The following PEX39 variants were observed in gnomAD, a reference collection of about 807,000 sequenced individuals.
PEX39 encodes the protein peroxin-39.
the PEX39 span, chr6:42,890,416 T>A: frequency 7.7e-6 from 11 of 1,428,836 alleles, no homozygotes; most frequent in Non-Finnish European, 1.0e-5. Context: ...AAAAGATGAG[T>A]AACTGAATGG....
chr6:42,890,782 G>A, the PEX39 span: 46 of 1,572,412 alleles, frequency 2.9e-5, no homozygotes, highest in South Asian at 4.7e-4. Context: ...CTGCGGGGAC[G>A]CTCCATGTCG....
At chr6:42,890,796 C>A in the PEX39 span, 1 of 1,560,234 alleles carries the variant, frequency 6.4e-7, no homozygotes, top group South Asian at 1.2e-5. Context: ...CATGTCGGGT[C>A]GCGAATCCTG....
the PEX39 span, chr6:42,890,457 A>G: frequency 3.3e-6 from 5 of 1,497,308 alleles, no homozygotes; most frequent in South Asian, 1.4e-5. Context: ...CGCCCTCCAG[A>G]TCGCCGCCGC....
chr6:42,890,813 G>A, the PEX39 span: 19 of 1,548,042 alleles, frequency 1.2e-5, no homozygotes, highest in Middle Eastern at 1.3e-3. Flanking sequence ...CCTGACCGGC[G>A]TGTAATGCAG....
chr6:42,890,779 G>A, the PEX39 span: 377 of 1,587,896 alleles, frequency 2.4e-4, no homozygotes, highest in Non-Finnish European at 3.1e-4. Flanking sequence ...GGACTGCGGG[G>A]ACGCTCCATG....
the PEX39 span, chr6:42,890,306 G>A: frequency 4.1e-6 from 2 of 483,224 alleles, no homozygotes; most frequent in Non-Finnish European, 7.0e-6. Context: ...GACTGAAACA[G>A]GATTTTTCTT....
chr6:42,890,806 G>A, the PEX39 span: 15 of 1,555,812 alleles, frequency 9.6e-6, no homozygotes, highest in Middle Eastern at 2.2e-4. Context: ...CGCGAATCCT[G>A]ACCGGCGTGT....
chr6:42,890,769 G>A, the PEX39 span: 2 of 1,592,456 alleles, frequency 1.3e-6, no homozygotes, highest in East Asian at 2.3e-5. Context: ...CGAGCATTGG[G>A]GACTGCGGGG....
chr6:42,890,703 T>C, the PEX39 span: 1 of 1,612,086 alleles, frequency 6.2e-7, no homozygotes, highest in Non-Finnish European at 8.5e-7. Flanking sequence ...CTGGCCCTGC[T>C]GGACCAGCTG....
the PEX39 span, chr6:42,890,783 C>T: frequency 6.4e-7 from 1 of 1,573,652 alleles, no homozygotes. Flanking sequence ...TGCGGGGACG[C>T]TCCATGTCGG....
chr6:42,890,449 C>G, the PEX39 span: 5 of 1,492,124 alleles, frequency 3.4e-6, no homozygotes, highest in African/African-American at 7.1e-5. Flanking sequence ...TGTAGCCACG[C>G]CCTCCAGATC....
At chr6:42,890,520 G>T in the PEX39 span, 117 of 1,561,356 alleles carry the variant, frequency 7.5e-5, no homozygotes, top group Non-Finnish European at 9.7e-5. Flanking sequence ...AGGCGCAGTC[G>T]CTGCCTCAAC....
At chr6:42,890,582 G>A in the PEX39 span, 3 of 1,611,050 alleles carry the variant, frequency 1.9e-6, no homozygotes, top group Non-Finnish European at 2.5e-6. Flanking sequence ...GAGGGGGAAG[G>A]GACTCAGCCA....
the PEX39 span, chr6:42,890,433 G>C: frequency 6.8e-7 from 1 of 1,475,874 alleles, no homozygotes; most frequent in African/African-American, 1.4e-5. Context: ...ATGGCATCCC[G>C]GGTCCTGTAG....
chr6:42,890,458 T>C, the PEX39 span: 1 of 1,496,628 alleles, frequency 6.7e-7, no homozygotes, highest in Non-Finnish European at 8.9e-7. Flanking sequence ...GCCCTCCAGA[T>C]CGCCGCCGCA....
At chr6:42,890,368 G>A in the PEX39 span, 5 of 1,007,324 alleles carry the variant, frequency 5.0e-6, no homozygotes, top group Non-Finnish European at 6.8e-6. Context: ...GGTGGTTGCA[G>A]GAGCAAGTCT....
At chr6:42,890,649 C>T in the PEX39 span, 1 of 1,612,790 alleles carries the variant, frequency 6.2e-7, no homozygotes, top group Non-Finnish European at 8.5e-7. Flanking sequence ...TGTGGGTTCG[C>T]CGTGGATCGC....
the PEX39 span, chr6:42,890,420 T>C: frequency 2.1e-6 from 3 of 1,448,444 alleles, no homozygotes; most frequent in African/African-American, 1.4e-5. Context: ...GATGAGTAAC[T>C]GAATGGCATC....
At chr6:42,890,762 G>A in the PEX39 span, 1 of 1,600,952 alleles carries the variant, frequency 6.2e-7, no homozygotes, top group East Asian at 2.2e-5. Context: ...CCGGGGCCGA[G>A]CATTGGGGAC....
Sources: allele counts gnomAD v4.1 joint callset, GRCh38; gene constraint gnomAD v4.1.1; transcripts MANE v1.5; gene names NCBI Gene and HGNC (gene_info 2026-07-23, HGNC 2026-07-21).